SERPINI1: variants seen among roughly 807,000 people sequenced by gnomAD.
The protein encoded by SERPINI1 is neuroserpin.
In SERPINI1, 19 loss-of-function variants were observed where a neutral mutation model predicts 41.1. The observed-to-expected ratio is 0.46, with a 90% CI of 0.32 to 0.68. The LOEUF is 0.68. Ranked by LOEUF, SERPINI1 falls within the 30% of genes least tolerant of loss-of-function variation. SERPINI1 has a pLI of 0.03. For missense variants in SERPINI1, 460 were observed against 479.2 expected, an observed-to-expected ratio of 0.96 and a Z score of 0.37; for synonymous variants, 138 against 156.6, an observed-to-expected ratio of 0.88 and a Z score of 0.89.
intron 6 of SERPINI1, among the ~76,000 whole-genome samples, chr3:167,811,319 G>A (rs532981873): frequency 6.6e-6 from 1 of 151,564 alleles, no homozygotes; most frequent in South Asian, 2.1e-4. Flanking sequence ...GGATTATCCA[G>A]CCAAAATTGT....
intron 1 of SERPINI1, among the ~76,000 whole-genome samples, chr3:167,770,228 A>C (rs979442845): frequency 6.6e-6 from 1 of 151,916 alleles, no homozygotes; most frequent in African/African-American, 2.4e-5. Context: ...AAAAAAGTTC[A>C]TGATTTTTTC....
At chr3:167,744,726 TA>T (rs1268746496) in intron 1 of SERPINI1, among the ~76,000 whole-genome samples, 4 of 126,964 alleles carry the variant, frequency 3.2e-5, no homozygotes, top group South Asian at 2.2e-4. Context: ...TATAAATATA[TA>T]AATATATATA....
At chr3:167,775,602 C>A (rs1024442651) in intron 1 of SERPINI1, among the ~76,000 whole-genome samples, 2 of 151,872 alleles carry the variant, frequency 1.3e-5, no homozygotes, top group African/African-American at 4.8e-5. Context: ...TTTTATTACA[C>A]GAAAACATTT....
At chr3:167,775,440 A>G (rs1454749336) in intron 1 of SERPINI1, among the ~76,000 whole-genome samples, 1 of 151,664 alleles carries the variant, frequency 6.6e-6, no homozygotes, top group Non-Finnish European at 1.5e-5. Context: ...TTGTATTTTT[A>G]GTAGAGATGG....
intron 4 of SERPINI1, 28 bp from the exon 5 acceptor site, chr3:167,794,592 T>A: frequency 6.2e-7 from 1 of 1,602,374 alleles, no homozygotes; most frequent in Non-Finnish European, 8.5e-7. Context: ...TTGATAGGCA[T>A]CTTTTATGGC....
chr3:167,757,009 A>G (rs1726213426), intron 1 of SERPINI1, among the ~76,000 whole-genome samples: 1 of 152,246 alleles, frequency 6.6e-6, no homozygotes, highest in Admixed American at 6.5e-5. Context: ...GTAATAAAAC[A>G]GCTACAAAGG....
chr3:167,751,215 G>A (rs901212384), intron 1 of SERPINI1, among the ~76,000 whole-genome samples: 4 of 152,060 alleles, frequency 2.6e-5, no homozygotes, highest in East Asian at 1.9e-4. Context: ...TTCAGTTACC[G>A]CAGACTCCTC....
At position 167,772,098 on chromosome 3, in the gene SERPINI1, A is replaced by G. The variant is rs533792863; in HGVS notation, c.-18-17013A>G. On this transcript the variant is annotated intron_variant, in intron 1 of 8. Transcript: ENST00000446050. ...TTAATAGGTTTCAGTTTCTTAATCT[A>G]CAAATGGGGTTGCTTCCATCTACCT... Among the ~76,000 whole-genome samples, 35 of 152,324 alleles carry G rather than the reference A, an allele frequency of 2.3e-4. No homozygotes were observed. The South Asian group carries it at 3.7e-3, about 16-fold the overall frequency.
intron 6 of SERPINI1, among the ~76,000 whole-genome samples, chr3:167,810,435 A>G (rs1711831061): frequency 6.6e-6 from 1 of 152,206 alleles, no homozygotes; most frequent in African/African-American, 2.4e-5. Context: ...AATGAGTCAC[A>G]TGAATTTTTT....
intron 1 of SERPINI1, among the ~76,000 whole-genome samples, chr3:167,772,864 C>CTCTCTCTCTCTCTCTCTATA (rs1374013676): frequency 4.1e-5 from 1 of 24,658 alleles, no homozygotes; most frequent in Non-Finnish European, 6.5e-5. Context: ...CTCTCTCTCT[C>CTCTCTCTCTCTCTCTCTATA]TATATATATA....
At chr3:167,820,039 A>G (rs1712256498) in intron 6 of SERPINI1, among the ~76,000 whole-genome samples, 1 of 152,232 alleles carries the variant, frequency 6.6e-6, no homozygotes, top group South Asian at 2.1e-4. Context: ...AACAAGTAAC[A>G]GGCTGAGTGG....
intron 6 of SERPINI1, among the ~76,000 whole-genome samples, chr3:167,816,331 C>T (rs891273692): frequency 2.0e-5 from 3 of 152,194 alleles, no homozygotes; most frequent in Non-Finnish European, 4.4e-5. Context: ...CAGGCATGAG[C>T]CACAATGCCC....
At chr3:167,816,674 T>C (rs531337891) in intron 6 of SERPINI1, among the ~76,000 whole-genome samples, 62 of 152,194 alleles carry the variant, frequency 4.1e-4, no homozygotes, top group African/African-American at 1.4e-3. Context: ...TCAGTGCAAA[T>C]ATGACATATT....
chr3:167,737,448 G>A (rs189554310), intron 1 of SERPINI1, among the ~76,000 whole-genome samples: 327 of 152,148 alleles, frequency 2.1e-3, no homozygotes, highest in Non-Finnish European at 3.0e-3. Flanking sequence ...AATTCACATA[G>A]CTGATATGGC....
intron 1 of SERPINI1, among the ~76,000 whole-genome samples, chr3:167,749,135 T>G (rs183591077): frequency 6.6e-6 from 1 of 152,336 alleles, no homozygotes; most frequent in Admixed American, 6.5e-5. Context: ...ATTTTGAAAT[T>G]ATCCCCTTGC....
intron 8 of SERPINI1, among the ~76,000 whole-genome samples, 176 bp downstream of exon 8, chr3:167,824,738 A>AT (rs998935817): frequency 1.1e-4 from 16 of 152,022 alleles, no homozygotes; most frequent in South Asian, 6.2e-4. Context: ...TGTTGAAATG[A>AT]TTTTTTTTAA....
chr3:167,772,505 A>G (rs564654795), intron 1 of SERPINI1, among the ~76,000 whole-genome samples: 2 of 152,234 alleles, frequency 1.3e-5, no homozygotes, highest in African/African-American at 4.8e-5. Context: ...ATATTCAAAT[A>G]TAGCTGTATA....
At chr3:167,800,759 A>G (rs1191053613) in intron 5 of SERPINI1, among the ~76,000 whole-genome samples, 1 of 150,738 alleles carries the variant, frequency 6.6e-6, no homozygotes, top group Non-Finnish European at 1.5e-5. Flanking sequence ...GTTTGTAAAG[A>G]AAACTACATA....
At chr3:167,811,596 G>A (rs1306354780) in intron 6 of SERPINI1, among the ~76,000 whole-genome samples, 1 of 152,170 alleles carries the variant, frequency 6.6e-6, no homozygotes, top group Non-Finnish European at 1.5e-5. Flanking sequence ...ACACGGGACA[G>A]AGGCTTTAGA....
Sources: gnomAD v4.1 joint callset for allele counts (sites outside exome capture counted in the v4.1 genomes callset) on GRCh38, gnomAD v4.1.1 for gene constraint, MANE v1.5 for transcripts, NCBI Gene and HGNC (gene_info 2026-07-23, HGNC 2026-07-21) for gene names.